The following SHOX variants were observed in gnomAD, a reference collection of about 807,000 sequenced individuals.
SHOX encodes short stature homeobox protein.
A neutral mutation model predicts 29.6 loss-of-function variants in SHOX; 12 were observed. That is an observed-to-expected ratio of 0.41 (90% CI 0.26 to 0.66). The LOEUF is 0.66. Ranked by LOEUF, SHOX falls within the 30% of genes least tolerant of loss-of-function variation. The pLI is 0.35. For missense variants in SHOX, 499 were observed against 437.7 expected, an observed-to-expected ratio of 1.14 and a Z score of -1.25; for synonymous variants, 214 against 200.6, an observed-to-expected ratio of 1.07 and a Z score of -0.57.
intron 1 of SHOX, among the ~76,000 whole-genome samples, chrX:633,972 C>G (rs1467790873): frequency 2.0e-5 from 3 of 152,206 alleles, no homozygotes; most frequent in African/African-American, 4.8e-5. Context: ...ATTTTTGGCA[C>G]ACTCTGGTGG....
upstream of SHOX, among the ~76,000 whole-genome samples, chrX:627,272 G>T (rs28603143): frequency 0.72 from 109,749 of 152,044 alleles, 41,896 homozygotes; most frequent in Non-Finnish European, 0.85. Flanking sequence ...GTCTTGAATT[G>T]GCAACGAAAA....
upstream of SHOX, among the ~76,000 whole-genome samples, chrX:629,538 T>A (rs998179486): frequency 1.1e-4 from 17 of 151,718 alleles, no homozygotes; most frequent in African/African-American, 4.1e-4. Flanking sequence ...TCTCTCTCCA[T>A]CTCCCCGTCT....
downstream of SHOX, among the ~76,000 whole-genome samples, chrX:655,606 CTCTCTCTCTATATATATATATATA>C (rs1423860489): frequency 0.026 from 929 of 35,608 alleles, 4 homozygotes; most frequent in Admixed American, 0.037. Context: ...CTCTCTCTCT[CTCTCTCTCTATATATATATATATA>C]TATATATATA....
In SHOX at chrX:650,136, C is replaced by T. The variant is rs1167764630; in HGVS notation, c.*5500C>T. The T allele has an allele frequency of 4.8e-6, 2 of 419,544 alleles. No homozygotes were observed. The highest frequency in any genetic ancestry group is 9.5e-6 in the Non-Finnish European group (2 of 211,484). 26.0% of individuals were successfully genotyped at this position (419,544 alleles called of 1,614,324 possible). Reference sequence around the variant, plus strand: ...TGGTGACAGGGCCCCTTGGCTGTGGCTGTCTTCTCCAGCGCCGTGGATAAA... The same window carrying T: ...TGGTGACAGGGCCCCTTGGCTGTGGTTGTCTTCTCCAGCGCCGTGGATAAA... On this transcript the variant is annotated 3_prime_UTR_variant, in exon 5 of 5. Transcript: ENST00000686671.
intron 2 of SHOX, among the ~76,000 whole-genome samples, chrX:637,313 G>T (rs998099019): frequency 1.3e-5 from 2 of 152,040 alleles, no homozygotes; most frequent in African/African-American, 4.8e-5. Context: ...TCATCTCCTG[G>T]TGTCTGTGTG....
chrX:650,792 T>TAAAA lies in SHOX; in HGVS notation c.*6180_*6183dup, dbSNP rs1041655715. Among the ~76,000 whole-genome samples the TAAAA allele has an allele frequency of 5.5e-3, 279 of 50,818 alleles. 23 individuals carry two copies. The highest frequency in any genetic ancestry group is 0.016 in the African/African-American group (235 of 14,754). 33.3% of individuals were successfully genotyped at this position (50,818 alleles called of 152,430 possible). Reference sequence around the variant, plus strand: ...GGCTTTCGGTGGACACGTTTGACATTAAAAAAAAAAAAAAAAAAAAAAAAA... The same window carrying TAAAA: ...GGCTTTCGGTGGACACGTTTGACATTAAAAAAAAAAAAAAAAAAAAAAAAAAAAA... On this transcript the variant is annotated 3_prime_UTR_variant, in exon 5 of 5. Coordinates refer to ENST00000686671, the MANE Select transcript of SHOX (RefSeq NM_000451.4).
upstream of SHOX, among the ~76,000 whole-genome samples, chrX:626,859 T>C (rs2052548315): frequency 6.6e-6 from 1 of 151,614 alleles, no homozygotes; most frequent in Non-Finnish European, 1.5e-5. Flanking sequence ...TCTCTGTCTG[T>C]CTCTGTCTCT....
intron 1 of SHOX, among the ~76,000 whole-genome samples, chrX:631,609 G>A (rs1252414404): frequency 1.3e-5 from 2 of 152,164 alleles, no homozygotes; most frequent in East Asian, 3.8e-4. Flanking sequence ...TCGGCTCACT[G>A]CAACCTCTGC....
At chrX:655,748 T>C (rs73607289), downstream of SHOX, among the ~76,000 whole-genome samples, 7,823 of 151,536 alleles carry the variant, frequency 0.052, 290 homozygotes, top group South Asian at 0.12. Context: ...TCCAAGGAAG[T>C]TGTATTGAAT....
upstream of SHOX, among the ~76,000 whole-genome samples, chrX:629,803 G>T (rs778124676): frequency 3.3e-5 from 5 of 152,292 alleles, no homozygotes; most frequent in South Asian, 1.0e-3. Context: ...TGACGCGTTT[G>T]GTTTCCAGGA....
chrX:648,938 C>CT lies in SHOX; in HGVS notation c.*4305dup, dbSNP rs2053007532. On this transcript the variant is annotated 3_prime_UTR_variant, in exon 5 of 5. Coordinates refer to ENST00000686671, the MANE Select transcript of SHOX (RefSeq NM_000451.4). ...TTTCTTTTTCTTTCTTTCTCTCTTTCTTTCTTTTCTTTCTTTCTGTTTCTT... is the reference window on the plus strand; with the variant it reads ...TTTCTTTTTCTTTCTTTCTCTCTTTCTTTTCTTTTCTTTCTTTCTGTTTCTT... 3.9e-5 allele frequency among the ~76,000 whole-genome samples: 5 copies of CT among 129,258 alleles called. No individual in the cohort carries two copies. Among genetic ancestry groups the CT allele is most frequent in the Admixed American group, 1.6e-4 (2 of 12,646 alleles). The allele number at this position is 129,258 out of a possible 152,430, so 84.8% of individuals were successfully genotyped here. A position where few individuals can be genotyped will look rare whatever the true frequency, so the allele number is the denominator to read the frequency against.
chrX:653,178 T>A (rs975156925), downstream of SHOX, among the ~76,000 whole-genome samples: 1 of 151,990 alleles, frequency 6.6e-6, no homozygotes, highest in African/African-American at 2.4e-5. Flanking sequence ...GAGGCGGAGG[T>A]TGCACTGAGC....
chrX:625,715 GTC>G (rs753102414), intron 1 of SHOX, among the ~76,000 whole-genome samples: 3 of 122,066 alleles, frequency 2.5e-5, no homozygotes, highest in African/African-American at 1.1e-4. Flanking sequence ...TTCTATCTCT[GTC>G]TCTCTCTCTC....
At chrX:640,588 A>G (rs2052836266) in intron 2 of SHOX, among the ~76,000 whole-genome samples, 3 of 152,150 alleles carry the variant, frequency 2.0e-5, no homozygotes, top group Admixed American at 2.0e-4. Flanking sequence ...AACCACCACC[A>G]CCACAACAAA....
At chrX:624,926 CTTT>C (rs1569491734) in intron 1 of SHOX, among the ~76,000 whole-genome samples, 1 of 68,178 alleles carries the variant, frequency 1.5e-5, no homozygotes, top group African/African-American at 7.6e-5. Context: ...TTCTTTCTTT[CTTT>C]CTTTTCTTTC....
At chrX:631,356 A>T (rs763397229) in intron 1 of SHOX, 182 bp downstream of exon 1, 179 of 330,642 alleles carry the variant, frequency 5.4e-4, no homozygotes, top group African/African-American at 3.8e-3. Flanking sequence ...ACCCGACCGG[A>T]GACGCGGGTG....
intron 2 of SHOX, among the ~76,000 whole-genome samples, chrX:639,917 C>T (rs1390572022): frequency 6.6e-6 from 1 of 151,896 alleles, no homozygotes; most frequent in East Asian, 1.9e-4. Context: ...AGGAGAATCG[C>T]TTGAACCTGG....
intron 2 of SHOX, among the ~76,000 whole-genome samples, chrX:636,161 A>G (rs959519546): frequency 3.4e-5 from 5 of 148,068 alleles, no homozygotes; most frequent in Non-Finnish European, 7.4e-5. Flanking sequence ...AAATATATAA[A>G]CATACATAAA....
Position 650,800 on chromosome X carries a change from A to AAAAAAAC in SHOX, c.*6170_*6171insCAAAAAA, listed in dbSNP as rs2053045084. Among the ~76,000 whole-genome samples, 4 of 136,652 alleles carry AAAAAAAC rather than the reference A, an allele frequency of 2.9e-5. No homozygotes were observed. The highest frequency in any genetic ancestry group is 1.5e-4 in the Admixed American group (2 of 13,096). The allele number at this position is 136,652 out of a possible 152,430, so 89.6% of individuals were successfully genotyped here. A position where few individuals can be genotyped will look rare whatever the true frequency, so the allele number is the denominator to read the frequency against. On this transcript the variant is annotated 3_prime_UTR_variant, in exon 5 of 5. Coordinates refer to ENST00000686671, the MANE Select transcript of SHOX (RefSeq NM_000451.4). ...GTGGACACGTTTGACATTAAAAAAAAAAAAAAAAAAAAAAAAAAACTGGTG... is the reference window on the plus strand; with the variant it reads ...GTGGACACGTTTGACATTAAAAAAAAAAAAAACAAAAAAAAAAAAAAAAAAACTGGTG...
Sources: gnomAD v4.1 joint callset for allele counts (sites outside exome capture counted in the v4.1 genomes callset) on GRCh38, gnomAD v4.1.1 for gene constraint, MANE v1.5 for transcripts, NCBI Gene and HGNC (gene_info 2026-07-23, HGNC 2026-07-21) for gene names.